Variants in YLPM1 observed in about 807,000 individuals in gnomAD.
The protein encoded by YLPM1 is YLP motif containing 1.
YLPM1 carries 99 observed loss-of-function variants against 230.0 expected under a neutral mutation model. The observed-to-expected ratio is 0.43, with a 90% CI of 0.37 to 0.51. YLPM1 has a LOEUF of 0.51. Ranked by LOEUF, YLPM1 falls within the 20% of genes least tolerant of loss-of-function variation. The pLI is 0.00. For missense variants in YLPM1, 2,592 were observed against 2,707.7 expected (o/e 0.96, Z 0.95); for synonymous variants, 984 against 942.5 (o/e 1.04, Z -0.81).
chr14:74,815,287 C>T (rs546108157), intron 11 of YLPM1, among the ~76,000 whole-genome samples: 6 of 152,180 alleles, frequency 3.9e-5, no homozygotes, highest in African/African-American at 4.8e-5. Context: ...CTTAGTCAGG[C>T]GTGGTGGCTC....
intron 4 of YLPM1, among the ~76,000 whole-genome samples, chr14:74,793,647 G>T (rs1021929087): frequency 6.6e-6 from 1 of 151,872 alleles, no homozygotes; most frequent in African/African-American, 2.4e-5. Context: ...GCAATCCTTG[G>T]CTGTGCATTT....
intron 6 of YLPM1, among the ~76,000 whole-genome samples, chr14:74,806,638 A>G (rs2091381196): frequency 6.6e-6 from 1 of 152,148 alleles, no homozygotes; most frequent in Non-Finnish European, 1.5e-5. Context: ...CATCTATACT[A>G]TAGCCTCGTA....
At chr14:74,792,285 A>G (rs2091215050) in intron 4 of YLPM1, among the ~76,000 whole-genome samples, 1 of 152,150 alleles carries the variant, frequency 6.6e-6, no homozygotes, top group Admixed American at 6.5e-5. Flanking sequence ...TGCTTTCTCA[A>G]TCTTAGCAAA....
chr14:74,806,574 ACT>A (rs1485189282), intron 6 of YLPM1, among the ~76,000 whole-genome samples: 9 of 152,264 alleles, frequency 5.9e-5, no homozygotes, highest in African/African-American at 2.2e-4. Context: ...CAAGAGTGAG[ACT>A]CTGTCTCAAA....
Position 74,827,709 on chromosome 14 carries a change from T to G in YLPM1, c.6164-1504T>G, listed in dbSNP as rs145097194. On this transcript the variant is annotated intron_variant, in intron 18 of 20. Coordinates refer to ENST00000325680, the MANE Select transcript of YLPM1 (RefSeq NM_019589.3). ...TTTGAGGTTTATCTAATAAGTGTGT[T>G]GGAGCTTCTGTCTCTTCTGGTAATA... 1.6e-4 allele frequency: 155 copies of G among 985,438 alleles called. No homozygotes were observed. In the African/African-American group the frequency reaches 2.6e-3, roughly 16 times the overall value. 61.0% of individuals were successfully genotyped at this position (985,438 alleles called of 1,614,324 possible).
At chr14:74,806,628 C>T (rs1159051386) in intron 6 of YLPM1, among the ~76,000 whole-genome samples, 1 of 152,054 alleles carries the variant, frequency 6.6e-6, no homozygotes, top group Non-Finnish European at 1.5e-5. Flanking sequence ...AATTGTATAA[C>T]ATCTATACTA....
chr14:74,809,434 G>T lies in YLPM1; in HGVS notation c.4576G>T (p.Val1526Leu), dbSNP rs764119725. Residue 1526 changes from valine (V) to leucine (L), a missense_variant, in exon 7 of 21, where the codon GTA becomes TTA. Physicochemically the swap from Val to Leu is conservative, Grantham distance 32. Transcript: ENST00000325680. The part of the protein sequence containing the change: ...PPMGKPPGSI[V>L]RPSAPPARSS... ...TATGGGCAAACCACCAGGTTCAATT[G>T]TAAGACCCTCTGCTCCACCAGCAAG... 11 of 1,606,734 alleles carry T rather than the reference G, an allele frequency of 6.8e-6. No individual in the cohort carries two copies. Among genetic ancestry groups the T allele is most frequent in the Non-Finnish European group, 9.4e-6 (11 of 1,176,266 alleles).
intron 11 of YLPM1, among the ~76,000 whole-genome samples, chr14:74,814,977 T>G (rs2091465206): frequency 6.6e-6 from 1 of 152,240 alleles, no homozygotes; most frequent in African/African-American, 2.4e-5. Context: ...AATTTGTCTG[T>G]TTCACCTAAA....
chr14:74,778,299 G>A (rs2359237), intron 1 of YLPM1, 148 bp from the exon 2 acceptor site: 329,550 of 656,920 alleles, frequency 0.5, 85,019 homozygotes, highest in Middle Eastern at 0.55. Flanking sequence ...TTAAGATCTT[G>A]TTAACTTATT....
intron 4 of YLPM1, among the ~76,000 whole-genome samples, chr14:74,787,886 A>T (rs898178708): frequency 6.6e-6 from 1 of 152,096 alleles, no homozygotes; most frequent in East Asian, 1.9e-4. Flanking sequence ...ATGGTTGTGC[A>T]CACCTGCAAT....
At chr14:74,816,460 T>A (rs2091478891) in intron 12 of YLPM1, 111 bp from the exon 13 acceptor site, 2 of 1,410,322 alleles carry the variant, frequency 1.4e-6, no homozygotes, top group African/African-American at 2.9e-5. Context: ...CTCTGCTTGA[T>A]TTGAAACCAC....
intron 4 of YLPM1, among the ~76,000 whole-genome samples, chr14:74,792,811 A>T (rs569277380): frequency 4.6e-5 from 7 of 152,230 alleles, no homozygotes; most frequent in Non-Finnish European, 8.8e-5. Context: ...TTTGCTGTTT[A>T]TCGAATCTCA....
rs893490654 is a variant in YLPM1 at position 74,833,193 on chromosome 14, G to A, written c.6295-2072G>A. Among the ~76,000 whole-genome samples the A allele has an allele frequency of 4.6e-5, 7 of 152,028 alleles. No individual in the cohort carries two copies. The East Asian group carries it at 7.7e-4, about 17-fold the overall frequency. ...AAGACTTAGTTCGTAATGATCTTTC[G>A]CTAAAATGTGTATCCTTGATCCAGG... On this transcript the variant is annotated intron_variant, in intron 19 of 20. Coordinates refer to ENST00000325680, the MANE Select transcript of YLPM1 (RefSeq NM_019589.3).
At chr14:74,791,400 A>G (rs1159211717) in intron 4 of YLPM1, among the ~76,000 whole-genome samples, 1 of 152,200 alleles carries the variant, frequency 6.6e-6, no homozygotes, top group East Asian at 1.9e-4. Context: ...TTGGCTGTTG[A>G]TCAGCAATTT....
chr14:74,797,941 G>A lies in YLPM1; in HGVS notation c.2644G>A (p.Ala882Thr). Reference protein sequence around the residue: ...NQQKNFKMQSAAFSIAADVKD... With the variant: ...NQQKNFKMQSTAFSIAADVKD... ...GCAGAAGAATTTTAAAATGCAATCA[G>A]CTGCATTTTCCATTGCTGCAGATGT... Residue 882 changes from alanine (A) to threonine (T), a missense_variant, in exon 5 of 21, where the codon GCT becomes ACT. Ala to Thr is a moderately conservative substitution (Grantham distance 58). Transcript: ENST00000325680. 6.2e-7 allele frequency: 1 copy of A among 1,613,928 alleles called. No individual in the cohort carries two copies. The highest frequency in any genetic ancestry group is 8.5e-7 in the Non-Finnish European group (1 of 1,179,880).
chr14:74,821,440 G>C (rs2091519775), intron 17 of YLPM1: 5 of 205,178 alleles, frequency 2.4e-5, no homozygotes, highest in African/African-American at 1.2e-4. Context: ...ATATGAAAGG[G>C]CATTCTTACA....
chr14:74,832,125 T>C (rs900066048), intron 19 of YLPM1, among the ~76,000 whole-genome samples: 3 of 152,176 alleles, frequency 2.0e-5, no homozygotes, highest in Non-Finnish European at 4.4e-5. Context: ...TTCTGTATTA[T>C]AACAAATTTA....
At chr14:74,828,014 A>G (rs2091579361) in intron 18 of YLPM1, 1 of 985,100 alleles carries the variant, frequency 1.0e-6, no homozygotes, top group South Asian at 4.7e-5. Context: ...TTCAATGATA[A>G]TCACTTTTAT....
chr14:74,791,388 CCTTG>C (rs1475764066), intron 4 of YLPM1, among the ~76,000 whole-genome samples: 1 of 152,308 alleles, frequency 6.6e-6, no homozygotes, highest in Middle Eastern at 3.4e-3. Flanking sequence ...AAATGATGGG[CCTTG>C]GCTGTTGATC....
Sources: gnomAD v4.1 joint callset for allele counts (sites outside exome capture counted in the v4.1 genomes callset) on GRCh38, gnomAD v4.1.1 for gene constraint, MANE v1.5 for transcripts, NCBI Gene and HGNC (gene_info 2026-07-23, HGNC 2026-07-21) for gene names.